The following PTPRG variants were observed in gnomAD, a reference collection of about 807,000 sequenced individuals.
PTPRG encodes the protein receptor-type tyrosine-protein phosphatase gamma.
In PTPRG, 102 loss-of-function variants were observed where a neutral mutation model predicts 165.3. The ratio of observed to expected loss-of-function variants is 0.62; its 90% confidence interval spans 0.53 to 0.73. The LOEUF (loss-of-function observed/expected upper bound fraction) is 0.73, where lower values mean the gene tolerates loss of function less well. PTPRG is among the 30% of genes least tolerant of loss of function. PTPRG has a pLI of 0.00. For missense variants in PTPRG, 1,866 were observed against 1,861.4 expected, an observed-to-expected ratio of 1.00 and a Z score of -0.05; for synonymous variants, 675 against 669.5, an observed-to-expected ratio of 1.01 and a Z score of -0.13.
chr3:61,569,189 T>TAA (rs1699997849), intron 1 of PTPRG, among the ~76,000 whole-genome samples: 9 of 152,220 alleles, frequency 5.9e-5, no homozygotes, highest in Admixed American at 2.0e-4. Context: ...AATGCTTTTC[T>TAA]ATTTGTTTTC....
At chr3:62,078,070 C>A in intron 4 of PTPRG, 93 bp from the exon 5 acceptor site, 5 of 779,406 alleles carry the variant, frequency 6.4e-6, no homozygotes, top group Non-Finnish European at 8.1e-6. Context: ...ATCTTATTAG[C>A]AACTGGGGAA....
Position 61,875,927 on chromosome 3 carries a change from A to G in PTPRG, c.191-113698A>G, listed in dbSNP as rs115206511. Among the ~76,000 whole-genome samples the G allele has an allele frequency of 1.3e-3, 203 of 152,254 alleles. 2 individuals carry two copies. The highest frequency in any genetic ancestry group is 4.5e-3 in the African/African-American group (186 of 41,540). ...GGCCTCACTGGTTTCCCACTGGGGA[A>G]ACCTTATAACTGAAATCTAGTCTCT... On this transcript the variant is annotated intron_variant, in intron 2 of 29. Coordinates refer to ENST00000474889, the MANE Select transcript of PTPRG (RefSeq NM_002841.4).
At chr3:61,830,568 T>G (rs1379973908) in intron 2 of PTPRG, among the ~76,000 whole-genome samples, 1 of 48,300 alleles carries the variant, frequency 2.1e-5, no homozygotes, top group Admixed American at 1.9e-4. Context: ...TTGTTTTTGT[T>G]TTTTTTTTTT....
At chr3:62,039,099 T>C (rs1220938511) in intron 4 of PTPRG, among the ~76,000 whole-genome samples, 1 of 152,142 alleles carries the variant, frequency 6.6e-6, no homozygotes, top group Non-Finnish European at 1.5e-5. Flanking sequence ...CATGCCTGAC[T>C]AATTTTTGTA....
At chr3:62,198,694 A>G (rs1700027246) in intron 10 of PTPRG, among the ~76,000 whole-genome samples, 1 of 152,244 alleles carries the variant, frequency 6.6e-6, no homozygotes, top group African/African-American at 2.4e-5. Context: ...AAGGTATTAA[A>G]TGACAAGTGG....
intron 1 of PTPRG, among the ~76,000 whole-genome samples, chr3:61,563,491 C>T (rs1699822425): frequency 6.6e-6 from 1 of 152,162 alleles, no homozygotes; most frequent in African/African-American, 2.4e-5. Context: ...TCCCTCGTAG[C>T]TGTCCCTTGG....
At position 62,109,651 on chromosome 3, in the gene PTPRG, G is replaced by A. The variant is rs1454735272; in HGVS notation, c.616-22951G>A. On this transcript the variant is annotated intron_variant, in intron 5 of 29. Transcript: ENST00000474889. ...GGGGGCACTGCAGAGGGAAGTCAGA[G>A]GTGGGGCTTTCCCTCCTGCTCTCTT... is the stretch of plus-strand genomic sequence containing the variant. Among the ~76,000 whole-genome samples the A allele has an allele frequency of 3.3e-5, 5 of 152,282 alleles. No homozygotes were observed. The East Asian group carries it at 9.6e-4, about 29-fold the overall frequency.
At chr3:61,834,740 G>A (rs1001529773) in intron 2 of PTPRG, among the ~76,000 whole-genome samples, 2 of 152,186 alleles carry the variant, frequency 1.3e-5, no homozygotes, top group African/African-American at 2.4e-5. Flanking sequence ...TTTAACCCAG[G>A]AGGTGGAGTT....
At chr3:61,693,972 C>A (rs534823688) in intron 1 of PTPRG, among the ~76,000 whole-genome samples, 1 of 147,542 alleles carries the variant, frequency 6.8e-6, no homozygotes, top group Non-Finnish European at 1.5e-5. Flanking sequence ...CACGATACTG[C>A]ACTCCAGCCT....
intron 1 of PTPRG, among the ~76,000 whole-genome samples, chr3:61,663,626 A>G (rs112477199): frequency 5.9e-4 from 90 of 152,176 alleles, no homozygotes; most frequent in Non-Finnish European, 1.1e-3. Context: ...TATTATTACT[A>G]TATTGCAATA....
At chr3:62,201,732 G>C (rs993874614) in intron 11 of PTPRG, among the ~76,000 whole-genome samples, 178 bp downstream of exon 11, 4 of 152,176 alleles carry the variant, frequency 2.6e-5, no homozygotes, top group Non-Finnish European at 2.9e-5. Context: ...AACACAAGCT[G>C]TGCAACAGTG....
intron 5 of PTPRG, among the ~76,000 whole-genome samples, chr3:62,113,562 G>A (rs951593556): frequency 6.6e-5 from 10 of 152,028 alleles, no homozygotes; most frequent in African/African-American, 2.4e-4. Context: ...TGAATACAAT[G>A]TGTTTTCGAA....
intron 4 of PTPRG, among the ~76,000 whole-genome samples, chr3:62,052,110 T>C (rs1380048063): frequency 1.3e-5 from 2 of 152,202 alleles, no homozygotes; most frequent in African/African-American, 2.4e-5. Context: ...GCTTTTTTGA[T>C]ATATGCTTTT....
At chr3:61,642,266 G>A (rs1453191396) in intron 1 of PTPRG, among the ~76,000 whole-genome samples, 1 of 152,104 alleles carries the variant, frequency 6.6e-6, no homozygotes, top group Non-Finnish European at 1.5e-5. Context: ...AGTTTGTAAA[G>A]CCATCATTCA....
intron 2 of PTPRG, among the ~76,000 whole-genome samples, chr3:61,920,636 C>A (rs1162291111): frequency 6.6e-6 from 1 of 152,118 alleles, no homozygotes; most frequent in East Asian, 1.9e-4. Flanking sequence ...CCTCTTGATC[C>A]GCCTGCCTTG....
Position 62,195,669 on chromosome 3 carries a change from C to T in PTPRG, c.1327+499C>T, listed in dbSNP as rs573403132. 3.9e-5 allele frequency among the ~76,000 whole-genome samples: 6 copies of T among 152,226 alleles called. No individual in the cohort carries two copies. The South Asian group carries it at 1.2e-3, about 32-fold the overall frequency. On this transcript the variant is annotated intron_variant, in intron 10 of 29. Coordinates refer to ENST00000474889, the MANE Select transcript of PTPRG (RefSeq NM_002841.4). This position sits in a 1 kb window ranked among gnomAD's most constrained non-coding sequence, Gnocchi z 4.4. The stretch of plus-strand genomic sequence containing the variant: ...ATAGATGGTCCTGATGACTTAGGGA[C>T]TAATAGAAAGGTCCAGGGCCAGAAC...
intron 1 of PTPRG, among the ~76,000 whole-genome samples, chr3:61,678,832 T>G (rs1703326987): frequency 6.6e-6 from 1 of 152,152 alleles, no homozygotes; most frequent in Non-Finnish European, 1.5e-5. Context: ...TAAATGCCCA[T>G]TGTAATACCC....
intron 2 of PTPRG, among the ~76,000 whole-genome samples, chr3:61,853,270 C>T (rs750489114): frequency 6.6e-6 from 1 of 152,198 alleles, no homozygotes; most frequent in Non-Finnish European, 1.5e-5. Context: ...CAGGTATTCA[C>T]ACCCTTTTTT....
chr3:61,695,583 G>A (rs1057455869), intron 1 of PTPRG, among the ~76,000 whole-genome samples: 1 of 152,132 alleles, frequency 6.6e-6, no homozygotes, highest in East Asian at 1.9e-4. Flanking sequence ...ATACACCTCG[G>A]CATTTTAGGA....
Sources: allele counts gnomAD v4.1 joint callset (sites outside exome capture counted in the v4.1 genomes callset), GRCh38; gene constraint gnomAD v4.1.1; non-coding constraint Gnocchi (gnomAD v3.1); transcripts MANE v1.5; gene names NCBI Gene and HGNC (gene_info 2026-07-23, HGNC 2026-07-21).